MYH3: variants seen among roughly 807,000 people sequenced by gnomAD.
The protein encoded by MYH3 is myosin heavy chain 3.
A neutral mutation model predicts 238.0 loss-of-function variants in MYH3; 130 were observed. The observed-to-expected ratio is 0.55, with a 90% confidence interval of 0.47 to 0.63. The LOEUF (loss-of-function observed/expected upper bound fraction) is 0.63. Ranked by LOEUF, MYH3 falls within the 30% of genes least tolerant of loss-of-function variation. The pLI is 0.00. For missense variants in MYH3, 1,853 were observed against 2,374.9 expected, an observed-to-expected ratio of 0.78 and a Z score of 4.57; for synonymous variants, 880 against 924.1, an observed-to-expected ratio of 0.95 and a Z score of 0.86.
upstream of MYH3, chr17:10,657,328 C>T (rs78479133): frequency 0.027 from 4,171 of 152,292 alleles, 102 homozygotes; most frequent in South Asian, 0.079. Context: ...GGCTGCTCCC[C>T]GGGGCTTTTA....
At chr17:10,663,022 G>C in the MYH3 span, among the ~76,000 whole-genome samples, 1 of 152,104 alleles carries the variant, frequency 6.6e-6, no homozygotes, top group African/African-American at 2.4e-5. Context: ...GGGAGGCAGA[G>C]GTTGCAGTGA....
At chr17:10,664,950 T>C in the MYH3 span, among the ~76,000 whole-genome samples, 2 of 151,848 alleles carry the variant, frequency 1.3e-5, no homozygotes, top group South Asian at 2.1e-4. Flanking sequence ...AGGAAGCAGA[T>C]AAATTAGTCT....
At position 10,654,942 on chromosome 17, in the gene MYH3, C is replaced by T. The variant is rs772173840; in HGVS notation, c.123G>A (p.Val41=). The T allele has an allele frequency of 1.9e-6, 3 of 1,614,168 alleles. No homozygotes were observed. The highest frequency in any genetic ancestry group is 8.5e-7 in the Non-Finnish European group (1 of 1,180,036). The change falls in exon 3 of 41, where the codon GTG becomes GTA. Residue 41 remains valine, a synonymous_variant. Coordinates refer to ENST00000583535, the MANE Select transcript of MYH3 (RefSeq NM_002470.4). The surrounding 1 kb of genome is among the most constrained non-coding windows in gnomAD (Gnocchi z 4.5). ...PFDAKTYCFV[V]DSKEEYAKGK... ...CCTTGGCATATTCTTCCTTTGAGTC[C>T]ACCACGAAGCAATACGTCTTGGCAT...
chr17:10,673,279 C>T, the MYH3 span: 6 of 152,304 alleles, frequency 3.9e-5, no homozygotes, highest in Admixed American at 1.3e-4. Flanking sequence ...ATGTGCATCC[C>T]AGAGGCACTC....
intron 2 of MYH3, among the ~76,000 whole-genome samples, 193 bp from the exon 3 acceptor site, chr17:10,655,265 G>C (rs1407123819): frequency 3.3e-5 from 5 of 152,124 alleles, no homozygotes; most frequent in Non-Finnish European, 7.3e-5. Context: ...AATCACACGG[G>C]TGCATATTTA....
intron 10 of MYH3, among the ~76,000 whole-genome samples, chr17:10,646,316 A>T (rs890771689): frequency 9.2e-5 from 14 of 152,090 alleles, no homozygotes; most frequent in Non-Finnish European, 1.8e-4. Flanking sequence ...GTCGGCTGGG[A>T]GAAGTTAATA....
At chr17:10,668,255 C>T in the MYH3 span, among the ~76,000 whole-genome samples, 6 of 152,108 alleles carry the variant, frequency 3.9e-5, no homozygotes, top group South Asian at 2.1e-4. Flanking sequence ...ATTAGCTGGG[C>T]GTGGTGGCGC....
At chr17:10,638,573 C>G in intron 26 of MYH3, 141 bp from the exon 27 acceptor site, 1 of 1,230,860 alleles carries the variant, frequency 8.1e-7, no homozygotes, top group Non-Finnish European at 1.1e-6. Context: ...TTTCCTTTCA[C>G]AGGAATTTTT....
intron 28 of MYH3, among the ~76,000 whole-genome samples, chr17:10,636,149 C>A (rs947230348): frequency 6.6e-6 from 1 of 151,694 alleles, no homozygotes; most frequent in Non-Finnish European, 1.5e-5. Flanking sequence ...ATGGTGAAAC[C>A]CCATCTCTAC....
chr17:10,651,697 A>C, intron 4 of MYH3, 29 bp from the exon 5 acceptor site: 1 of 1,607,948 alleles, frequency 6.2e-7, no homozygotes, highest in Non-Finnish European at 8.5e-7. Context: ...ATACGTGCGT[A>C]TATGTATGTA....
rs773454802 is a variant in MYH3 at position 10,649,697 on chromosome 17, G to A, written c.534-12C>T. 5.0e-6 allele frequency: 8 copies of A among 1,610,296 alleles called. No homozygotes were observed. The highest frequency in any genetic ancestry group is 1.7e-5 in the Admixed American group (1 of 60,018). ...CCCCGGATTCTCCGCTGTACAGAGT[G>A]ATCAAAAGAGAGAGAAAGAAACAAG... On this transcript the variant is annotated splice_polypyrimidine_tract_variant and intron_variant, in intron 6 of 40. Transcript: ENST00000583535.
intron 3 of MYH3, among the ~76,000 whole-genome samples, chr17:10,652,936 T>C (rs2074392928): frequency 6.6e-6 from 1 of 152,038 alleles, no homozygotes; most frequent in South Asian, 2.1e-4. Context: ...GCACGTCTTG[T>C]CTGCTGCCCC....
At chr17:10,649,487 G>A in intron 7 of MYH3, 90 bp downstream of exon 7, 1 of 983,724 alleles carries the variant, frequency 1.0e-6, no homozygotes, top group East Asian at 2.4e-5. Context: ...CTGAAGAGGG[G>A]GGAATGTGAG....
intron 38 of MYH3, 33 bp from the exon 39 acceptor site, chr17:10,629,970 AGGAGGG>A: frequency 6.2e-7 from 1 of 1,612,068 alleles, no homozygotes; most frequent in Non-Finnish European, 8.5e-7. Flanking sequence ...GTCACTGGAG[AGGAGGG>A]GGCAGATTTG....
At chr17:10,674,563 T>C in the MYH3 span, 5 of 164,568 alleles carry the variant, frequency 3.0e-5, no homozygotes, top group African/African-American at 1.2e-4. Flanking sequence ...GTAGCAAGGC[T>C]GTAGAGGGAG....
rs202029461 is a variant in MYH3 at position 10,631,587 on chromosome 17, G to A, written c.5286+24C>T. 1.2e-5 allele frequency: 20 copies of A among 1,614,114 alleles called. No homozygotes were observed. In the African/African-American group the frequency reaches 2.5e-4, roughly 20 times the overall value. On this transcript the variant is annotated intron_variant, in intron 36 of 40. Transcript: ENST00000583535. Reference sequence around the variant, plus strand: ...TGCAATGCAATCCCGGCAGCCCGAGGGCAGCAGGAAGGAGACGCCTTACGT... The same window carrying A: ...TGCAATGCAATCCCGGCAGCCCGAGAGCAGCAGGAAGGAGACGCCTTACGT...
At chr17:10,669,907 T>G in the MYH3 span, among the ~76,000 whole-genome samples, 3 of 152,148 alleles carry the variant, frequency 2.0e-5, no homozygotes, top group African/African-American at 7.2e-5. Flanking sequence ...TGAGACCCTG[T>G]CTCAAAAGGA....
chr17:10,648,676 A>G, intron 7 of MYH3, 27 bp from the exon 8 acceptor site: 1 of 1,536,210 alleles, frequency 6.5e-7, no homozygotes. Context: ...AGGGAAGAAG[A>G]GGAAACATTT....
rs779360957 is a variant in MYH3 at position 10,638,249 on chromosome 17, G to C, written c.3523C>G (p.Leu1175Val). Residue 1175 changes from leucine (L) to valine (V), a missense_variant, in exon 27 of 41, where the codon CTG becomes GTG. Physicochemically the swap from Leu to Val is conservative, Grantham distance 32. Transcript: ENST00000583535. ...GTGGCCTCCTCCAGGTCCCTGCGCA[G>C]CTTCAGGAACTCCGCCTCCCGCTTC... The part of the protein sequence containing the change: ...NKKREAEFLK[L>V]RRDLEEATLQ... 18 of 1,613,902 alleles carry C rather than the reference G, an allele frequency of 1.1e-5. No individual in the cohort carries two copies. The highest frequency in any genetic ancestry group is 8.5e-6 in the Non-Finnish European group (10 of 1,180,002).
Sources: gnomAD v4.1 joint callset for allele counts (sites outside exome capture counted in the v4.1 genomes callset) on GRCh38, gnomAD v4.1.1 for gene constraint, Gnocchi (gnomAD v3.1) non-coding constraint, MANE v1.5 for transcripts, NCBI Gene and HGNC (gene_info 2026-07-23, HGNC 2026-07-21) for gene names.